Variants in MCF2L observed in about 807,000 individuals in gnomAD.
MCF2L encodes MCF.2 cell line derived transforming sequence like.
Under a neutral mutation model 153.4 loss-of-function variants are expected in MCF2L, and 97 were observed. The ratio of observed to expected loss-of-function variants is 0.63; its 90% CI spans 0.54 to 0.75. The LOEUF (loss-of-function observed/expected upper bound fraction) is 0.75, where lower values mean the gene tolerates loss of function less well. Ranked by LOEUF, MCF2L falls within the 30% of genes least tolerant of loss-of-function variation. The pLI is 0.00. For synonymous variants in MCF2L, 659 were observed against 632.2 expected (o/e 1.04, Z -0.64); for missense variants, 1,347 against 1,495.2 (o/e 0.90, Z 1.64).
intron 8 of MCF2L, among the ~76,000 whole-genome samples, chr13:113,067,093 G>C (rs2032494764): frequency 1.3e-5 from 2 of 152,264 alleles, no homozygotes; most frequent in African/African-American, 2.4e-5. Context: ...CAGGCACCTT[G>C]TCAGCTTCCC....
chr13:112,995,860 G>A (rs1039878131), intron 1 of MCF2L, among the ~76,000 whole-genome samples: 9 of 152,156 alleles, frequency 5.9e-5, no homozygotes, highest in Admixed American at 2.0e-4. Flanking sequence ...GTTCAGTCCT[G>A]GGCGCACCCA....
Position 113,074,467 on chromosome 13 carries a change from G to A in MCF2L, c.1020G>A (p.Ala340=), listed in dbSNP as rs3814264. The stretch of plus-strand genomic sequence containing the variant: ...AGGTCAAAGCCATCTTGGACGCAGC[G>A]TCCCAGAAGATAGCAACCTTCACAG... The part of the protein sequence containing the change: ...FREVKAILDA[A]SQKIATFTDI... The change falls in exon 10 of 30, where the codon GCG becomes GCA. Residue 340 remains alanine, a synonymous_variant. Coordinates refer to ENST00000535094, the MANE Select transcript of MCF2L (RefSeq NM_001112732.3). This position sits in a 1 kb window ranked among gnomAD's most constrained non-coding sequence, Gnocchi z 4.2. The A allele has an allele frequency of 0.22, 358,922 of 1,613,668 alleles. 43,598 individuals are homozygous for A. The highest frequency in any genetic ancestry group is 0.45 in the East Asian group (20,380 of 44,860).
chr13:113,076,472 C>T (rs898464331), intron 12 of MCF2L, among the ~76,000 whole-genome samples: 1 of 152,120 alleles, frequency 6.6e-6, no homozygotes, highest in African/African-American at 2.4e-5. Context: ...ACCATGTTGG[C>T]CAGGCTGGTC....
chr13:112,927,625 G>A (rs1316935145), intron 2 of MCF2L, among the ~76,000 whole-genome samples: 3 of 152,214 alleles, frequency 2.0e-5, no homozygotes, highest in Non-Finnish European at 4.4e-5. Flanking sequence ...TGGCATCACA[G>A]AAGGCGAGTT....
intron 3 of MCF2L, among the ~76,000 whole-genome samples, chr13:113,033,319 T>TGACGTGA (rs2085891445): frequency 6.7e-5 from 1 of 14,866 alleles, no homozygotes; most frequent in African/African-American, 2.8e-4. Flanking sequence ...GAGTGGCCCC[T>TGACGTGA]GTGGCGTGAG....
At chr13:113,050,646 TG>T (rs1566802765) in intron 4 of MCF2L, among the ~76,000 whole-genome samples, 1 of 82,564 alleles carries the variant, frequency 1.2e-5, no homozygotes, top group African/African-American at 4.9e-5. Context: ...GTGGGGGCGG[TG>T]GGAGCCGTGG....
At chr13:112,973,822 A>G (rs900407061) in intron 1 of MCF2L, among the ~76,000 whole-genome samples, 2 of 152,096 alleles carry the variant, frequency 1.3e-5, no homozygotes, top group Non-Finnish European at 2.9e-5. Flanking sequence ...CTCAGGAGTG[A>G]GTGATGCCAG....
intron 3 of MCF2L, among the ~76,000 whole-genome samples, chr13:113,039,406 T>C (rs1468254520): frequency 6.6e-6 from 1 of 152,232 alleles, no homozygotes; most frequent in African/African-American, 2.4e-5. Flanking sequence ...AAAGATTTCT[T>C]ACGCAAGGTT....
Position 113,070,254 on chromosome 13 carries a change from G to C in MCF2L, c.996+81G>C. On this transcript the variant is annotated intron_variant, in intron 9 of 29. Transcript: ENST00000535094. This position sits in a 1 kb window ranked among gnomAD's most constrained non-coding sequence, Gnocchi z 5.6. ...GCCTGCGCCCTGGTCCCAGTGCCGG[G>C]AGCTGAGCCGTGCCACCCAGTTGAC... The C allele has an allele frequency of 2.1e-6, 2 of 938,942 alleles. No homozygotes were observed. The highest frequency in any genetic ancestry group is 3.0e-6 in the Non-Finnish European group (2 of 659,180). The allele number at this position is 938,942 out of a possible 1,614,324, so 58.2% of individuals were successfully genotyped here.
At chr13:112,968,941 G>C (rs9604007), upstream of MCF2L, 310,303 of 516,562 alleles carry the variant, frequency 0.6, 93,891 homozygotes, top group South Asian at 0.65. Flanking sequence ...TGACCTGTGT[G>C]ATACACTAGG....
rs771449609 is a variant in MCF2L at position 113,096,483 on chromosome 13, G to A, written c.3188G>A (p.Trp1063Ter). Reference protein sequence around the residue: ...ELVQEGDEGLWYVRDPTTGKE... With the variant: ...ELVQEGDEGL ...GTGCAGGAGGGCGACGAGGGCCTCT[G>A]GTAAGACCCCGCGCTCAGCCCCGGA... The change falls in exon 28 of 30, where the codon TGG becomes TAG. Residue 1063 changes from tryptophan (W) to a stop codon, truncating the protein, a stop_gained and splice_region_variant. Transcript: ENST00000535094. LOFTEE classifies it high-confidence loss of function. 14 of 1,587,070 alleles carry A rather than the reference G, an allele frequency of 8.8e-6. No individual in the cohort carries two copies. The highest frequency in any genetic ancestry group is 1.2e-5 in the Non-Finnish European group (14 of 1,168,010).
chr13:112,926,106 G>A (rs149044102), intron 2 of MCF2L, among the ~76,000 whole-genome samples: 8 of 152,374 alleles, frequency 5.3e-5, no homozygotes, highest in African/African-American at 9.6e-5. Flanking sequence ...AACATGGTCC[G>A]TATCCACAGC....
At position 113,094,681 on chromosome 13, in the gene MCF2L, CGGGGATTAGG is replaced by C. The variant is rs746871863; in HGVS notation, c.3075+49_3075+58del. On this transcript the variant is annotated intron_variant, in intron 27 of 29. Coordinates refer to ENST00000535094, the MANE Select transcript of MCF2L (RefSeq NM_001112732.3). ...GGCACTTGGGGTGGGGGCTGCCCTC[CGGGGATTAGG>C]GGTGCTTCTGGCAGGTCCACCCAGG... 95 of 1,583,680 alleles carry C rather than the reference CGGGGATTAGG, an allele frequency of 6.0e-5. 1 individual carries two copies. The South Asian group carries it at 1.1e-3, about 18-fold the overall frequency.
chr13:113,042,750 G>C (rs1168571935), intron 3 of MCF2L: 2 of 152,240 alleles, frequency 1.3e-5, no homozygotes, highest in Admixed American at 6.5e-5. Context: ...TCACGGGTCT[G>C]GGGGAGGGTG....
At chr13:112,902,427 A>C in intron 2 of MCF2L, 2 of 1,546,220 alleles carry the variant, frequency 1.3e-6, no homozygotes, top group East Asian at 4.6e-5. Flanking sequence ...TGCTGATCAG[A>C]CCTGTGCTGT....
chr13:112,968,755 G>A, upstream of MCF2L: 1 of 1,378,046 alleles, frequency 7.3e-7, no homozygotes, highest in Non-Finnish European at 9.3e-7. Context: ...CGCGGAGGCA[G>A]CTGCACTCGC....
chr13:113,072,763 G>A (rs1008691920), intron 9 of MCF2L, among the ~76,000 whole-genome samples: 1 of 152,038 alleles, frequency 6.6e-6, no homozygotes. Flanking sequence ...AGATTGAGAT[G>A]TATCACTCCT....
intron 3 of MCF2L, chr13:113,026,733 G>A: frequency 1.7e-6 from 1 of 594,486 alleles, no homozygotes; most frequent in Non-Finnish European, 3.0e-6. Flanking sequence ...TTCCAGGAAA[G>A]AACTGACCCC....
rs534104807 is a variant in MCF2L, at chr13:113,053,355, G to A, written c.370-7238G>A. Among the ~76,000 whole-genome samples the A allele has an allele frequency of 1.3e-5, 2 of 152,334 alleles. No homozygotes were observed. The highest frequency in any genetic ancestry group is 2.9e-5 in the Non-Finnish European group (2 of 68,036). On this transcript the variant is annotated intron_variant, in intron 4 of 29. Transcript: ENST00000535094. This position sits in a 1 kb window ranked among gnomAD's most constrained non-coding sequence, Gnocchi z 4.4. ...TGTCTTTTGTGAGATTGAGATTTGC[G>A]AAGGGTTGAAGCCAGTTGCTTTATG...
Sources: allele counts gnomAD v4.1 joint callset (sites outside exome capture counted in the v4.1 genomes callset), GRCh38; gene constraint gnomAD v4.1.1; non-coding constraint Gnocchi (gnomAD v3.1); transcripts MANE v1.5; gene names NCBI Gene and HGNC (gene_info 2026-07-23, HGNC 2026-07-21).